Variants in DYSF observed in about 807,000 individuals in gnomAD.
DYSF encodes the protein dysferlin, also known as dystrophy-associated fer-1-like 1.
Under a neutral mutation model 274.9 loss-of-function variants are expected in DYSF, and 212 were observed. That is an observed-to-expected ratio of 0.77 (90% confidence interval 0.69 to 0.86). The LOEUF is 0.86. DYSF is among the 40% of genes least tolerant of loss of function. The pLI is 0.00. For missense variants in DYSF, 2,666 were observed against 2,783.2 expected (o/e 0.96, Z 0.95); for synonymous variants, 1,091 against 1,078.7 (o/e 1.01, Z -0.22).
chr2:71,645,663 G>T (rs541957130), intron 42 of DYSF, among the ~76,000 whole-genome samples: 96 of 152,094 alleles, frequency 6.3e-4, no homozygotes, highest in Non-Finnish European at 6.8e-4. Flanking sequence ...AGGCCCGGGG[G>T]ATGAAGCCCT....
Position 71,593,658 on chromosome 2 carries a change from T to C in DYSF, c.3574+3370T>C, listed in dbSNP as rs78428405. ...TGAGTTACTCTTCATTGTAGATTGG[T>C]GTTTCTCACAGGGAACCAGGGAAGA... On this transcript the variant is annotated intron_variant, in intron 32 of 55. Transcript: ENST00000410020. Among the ~76,000 whole-genome samples the C allele has an allele frequency of 8.6e-3, 1,310 of 152,294 alleles. 11 individuals are homozygous for C. The highest frequency in any genetic ancestry group is 0.028 in the African/African-American group (1,169 of 41,568).
intron 10 of DYSF, among the ~76,000 whole-genome samples, chr2:71,517,797 C>T (rs1193739742): frequency 1.3e-5 from 2 of 152,134 alleles, no homozygotes; most frequent in East Asian, 1.9e-4. Flanking sequence ...TAAAAAGATG[C>T]ATTTCAAAGA....
intron 47 of DYSF, among the ~76,000 whole-genome samples, chr2:71,666,692 C>A (rs552796850): frequency 1.3e-5 from 2 of 152,222 alleles, no homozygotes; most frequent in South Asian, 4.1e-4. Flanking sequence ...CTGGGACGCA[C>A]CTGGGGACAG....
At chr2:71,469,563 A>T (rs1412040284) in intron 1 of DYSF, among the ~76,000 whole-genome samples, 7 of 152,082 alleles carry the variant, frequency 4.6e-5, no homozygotes, top group Admixed American at 2.0e-4. Flanking sequence ...CCTGAAATGT[A>T]TGGGGCTGGG....
chr2:71,609,683 G>C (rs1161554553), intron 36 of DYSF, among the ~76,000 whole-genome samples: 4 of 152,178 alleles, frequency 2.6e-5, no homozygotes, highest in Admixed American at 2.6e-4. Flanking sequence ...CTAGAGTTGA[G>C]GTCTGATTCT....
At chr2:71,469,597 G>T (rs574852171) in intron 1 of DYSF, among the ~76,000 whole-genome samples, 19 of 152,274 alleles carry the variant, frequency 1.2e-4, no homozygotes, top group African/African-American at 4.6e-4. Flanking sequence ...CCTTGCAGTT[G>T]TTCCCTGTCT....
At chr2:71,458,538 G>A (rs1032234324) in intron 1 of DYSF, among the ~76,000 whole-genome samples, 4 of 152,202 alleles carry the variant, frequency 2.6e-5, no homozygotes, top group Non-Finnish European at 5.9e-5. Context: ...CCACCTGCCT[G>A]ATGGCTGGCA....
chr2:71,569,852 G>A lies in DYSF; in HGVS notation c.2897G>A (p.Ser966Asn). ...LLHDMDAGHL[S>N]FVEEVFENQT... ...CATGACATGGACGCCGGTCACCTGA[G>A]CTTCGTGGAAGAGGTGTTTGAGAAC... Residue 966 changes from serine to asparagine, a missense_variant, in exon 27 of 56, where the codon AGC (serine) becomes AAC (asparagine). Ser to Asn is a conservative substitution (Grantham distance 46). Around this residue, in one of 3 missense-constraint regions of DYSF, gnomAD observed 412 missense variants for 504.0 expected, o/e 0.82. Transcript: ENST00000410020. The A allele has an allele frequency of 1.2e-6, 2 of 1,614,118 alleles. No homozygotes were observed. The highest frequency in any genetic ancestry group is 1.1e-5 in the South Asian group (1 of 91,056).
intron 42 of DYSF, among the ~76,000 whole-genome samples, chr2:71,648,094 C>T (rs1442744192): frequency 6.6e-6 from 1 of 152,018 alleles, no homozygotes; most frequent in African/African-American, 2.4e-5. Context: ...ACGGTGTAGC[C>T]TGAATTCAAA....
At chr2:71,577,522 G>A (rs1558522358) in intron 30 of DYSF, among the ~76,000 whole-genome samples, 2 of 111,004 alleles carry the variant, frequency 1.8e-5, no homozygotes, top group South Asian at 3.4e-4. Flanking sequence ...CTCTCATGCA[G>A]CCCCCCCACT....
rs1185323689 is a variant in DYSF at position 71,551,681 on chromosome 2, G to A, written c.1767G>A (p.Lys589=). The A allele has an allele frequency of 1.2e-6, 2 of 1,611,032 alleles. No homozygotes were observed. Residue 589 remains lysine, a synonymous_variant, in exon 19 of 56, where the codon AAG becomes AAA. Coordinates refer to ENST00000410020, the MANE Select transcript of DYSF (RefSeq NM_001130987.2). ...AGCTGGTGGAGCACAGTGAACAGAA[G>A]GTGGAGGACCTTCCTGCGGATGACA... ...ETKLVEHSEQ[K]VEDLPADDIL...
intron 42 of DYSF, among the ~76,000 whole-genome samples, chr2:71,652,266 C>T (rs2094678470): frequency 6.6e-6 from 1 of 152,144 alleles, no homozygotes; most frequent in African/African-American, 2.4e-5. Flanking sequence ...TAACATTGGT[C>T]CATATCTTCT....
At position 71,590,293 on chromosome 2, in the gene DYSF, G is replaced by A. The variant is rs886043276; in HGVS notation, c.3574+5G>A. On this transcript the variant is annotated splice_donor_5th_base_variant and intron_variant, in intron 32 of 55. Transcript: ENST00000410020. Reference sequence around the variant, plus strand: ...TGGACAAGGACTCTTTTTCTGGTAGGTGGGAGAGAGGCAGGAGAGTCAGAG... The same window carrying A: ...TGGACAAGGACTCTTTTTCTGGTAGATGGGAGAGAGGCAGGAGAGTCAGAG... The A allele has an allele frequency of 8.7e-6, 14 of 1,614,184 alleles. No homozygotes were observed. The highest frequency in any genetic ancestry group is 1.2e-5 in the Non-Finnish European group (14 of 1,180,012).
At chr2:71,648,163 T>C (rs1328060596) in intron 42 of DYSF, among the ~76,000 whole-genome samples, 1 of 152,210 alleles carries the variant, frequency 6.6e-6, no homozygotes, top group East Asian at 1.9e-4. Flanking sequence ...AGAGGACATA[T>C]ACCTACTTGA....
intron 8 of DYSF, 111 bp from the exon 9 acceptor site, chr2:71,516,069 C>G (rs934694477): frequency 1.9e-5 from 21 of 1,118,874 alleles, no homozygotes; most frequent in African/African-American, 1.4e-4. Context: ...TCCACATTTT[C>G]TGAGGGGACT....
At chr2:71,529,933 T>C (rs1165613597) in intron 14 of DYSF, among the ~76,000 whole-genome samples, 1 of 152,256 alleles carries the variant, frequency 6.6e-6, no homozygotes, top group East Asian at 1.9e-4. Flanking sequence ...ATTATTGTGT[T>C]GATGTATGAA....
chr2:71,489,525 G>T (rs984332368), intron 3 of DYSF, among the ~76,000 whole-genome samples: 2 of 152,236 alleles, frequency 1.3e-5, no homozygotes, highest in Non-Finnish European at 2.9e-5. Flanking sequence ...CCATCTGGGC[G>T]GAGGCAAGGG....
intron 1 of DYSF, among the ~76,000 whole-genome samples, chr2:71,473,001 A>T (rs1349829754): frequency 6.6e-6 from 1 of 151,936 alleles, no homozygotes; most frequent in Non-Finnish European, 1.5e-5. Context: ...TTTAAAGACT[A>T]CTCTTCTTGA....
intron 17 of DYSF, chr2:71,549,339 T>C: frequency 6.2e-7 from 1 of 1,612,120 alleles, no homozygotes; most frequent in East Asian, 2.2e-5. Context: ...TTCCATTTCT[T>C]TACGCTTCAG....
Sources: gnomAD v4.1 joint callset for allele counts (sites outside exome capture counted in the v4.1 genomes callset) on GRCh38, gnomAD v4.1.1 for gene constraint, gnomAD v4.1.1 regional missense constraint, MANE v1.5 for transcripts, NCBI Gene and HGNC (gene_info 2026-07-23, HGNC 2026-07-21) for gene names.